Variants in MTMR2 observed in about 807,000 individuals in gnomAD.
MTMR2 encodes phosphatidylinositol-3,5-bisphosphate 3-phosphatase MTMR2.
A neutral mutation model predicts 86.9 loss-of-function variants in MTMR2; 55 were observed. The ratio of observed to expected loss-of-function variants is 0.63; its 90% CI spans 0.51 to 0.79. The LOEUF (loss-of-function observed/expected upper bound fraction) is 0.79. MTMR2 is among the 30% of genes least tolerant of loss of function. The probability of loss-of-function intolerance (pLI) is 0.00; values close to 1 mark genes in which losing one functional copy is unlikely to be tolerated. For missense variants in MTMR2, 659 were observed against 772.3 expected (o/e 0.85, Z 1.74); for synonymous variants, 241 against 266.8 (o/e 0.90, Z 0.94).
At chr11:95,915,565 A>C (rs533637980) in intron 1 of MTMR2, among the ~76,000 whole-genome samples, 94 of 152,324 alleles carry the variant, frequency 6.2e-4, no homozygotes, top group African/African-American at 2.2e-3. Context: ...TTTTTAATAA[A>C]ATGTTTAGGT....
chr11:95,896,183 A>G (rs765149695), intron 1 of MTMR2, among the ~76,000 whole-genome samples: 1 of 152,106 alleles, frequency 6.6e-6, no homozygotes, highest in Admixed American at 6.6e-5. Context: ...GGAAAATCCA[A>G]TCAGATGCCC....
intron 1 of MTMR2, among the ~76,000 whole-genome samples, chr11:95,920,307 G>GT (rs1043107524): frequency 5.3e-5 from 8 of 151,752 alleles, no homozygotes; most frequent in Admixed American, 1.3e-4. Flanking sequence ...GACAACTATT[G>GT]TTTTTTTTGT....
chr11:95,861,869 C>A, intron 5 of MTMR2, 123 bp downstream of exon 5: 1 of 807,438 alleles, frequency 1.2e-6, no homozygotes, highest in Non-Finnish European at 2.0e-6. Flanking sequence ...CAATGTCATA[C>A]TAAAATAACA....
At chr11:95,874,909 T>C (rs1369356876) in intron 2 of MTMR2, among the ~76,000 whole-genome samples, 2 of 152,154 alleles carry the variant, frequency 1.3e-5, no homozygotes, top group African/African-American at 2.4e-5. Flanking sequence ...TCTTTAAGAA[T>C]GTTGAATATT....
intron 3 of MTMR2, among the ~76,000 whole-genome samples, chr11:95,864,398 G>A (rs1864532012): frequency 1.3e-5 from 2 of 152,052 alleles, no homozygotes; most frequent in African/African-American, 4.8e-5. Flanking sequence ...TTCATAATGG[G>A]AGCTGCAATT....
chr11:95,912,650 G>A (rs1206780865), intron 1 of MTMR2, among the ~76,000 whole-genome samples: 1 of 151,426 alleles, frequency 6.6e-6, no homozygotes, highest in Non-Finnish European at 1.5e-5. Context: ...ATACTAAAAC[G>A]AATTCAAACT....
At chr11:95,837,885 C>T (rs879817025) in intron 13 of MTMR2, among the ~76,000 whole-genome samples, 2 of 152,174 alleles carry the variant, frequency 1.3e-5, no homozygotes, top group African/African-American at 4.8e-5. Flanking sequence ...ACTCAGCAGA[C>T]AGCTAGCTAG....
intron 12 of MTMR2, among the ~76,000 whole-genome samples, chr11:95,840,339 G>T (rs1863491914): frequency 1.3e-5 from 2 of 152,064 alleles, no homozygotes; most frequent in Non-Finnish European, 2.9e-5. Context: ...ATTTAAAACT[G>T]AATATGGTAA....
rs1368450241 is a variant in MTMR2, at chr11:95,835,320, CTG to C, written c.1900_1901del (p.Gln634ValfsTer24). ...CAACAGTTTGGACAGGAGTGACACA[CTG>C]TGCAGGAGAGCTGGCTCTCTCTGAG... ...SSSERASSPAQCVTPVQTVV is the reference protein window; with the variant it reads ...SSSERASSPAXCVTPVQTVV On this transcript the variant is annotated frameshift_variant, in exon 15 of 15. Coordinates refer to ENST00000346299, the MANE Select transcript of MTMR2 (RefSeq NM_016156.6). LOFTEE classifies it high-confidence loss of function. The C allele has an allele frequency of 6.2e-7, 1 of 1,613,026 alleles. No individual in the cohort carries two copies. The highest frequency in any genetic ancestry group is 1.7e-5 in the Admixed American group (1 of 59,838).
intron 1 of MTMR2, among the ~76,000 whole-genome samples, chr11:95,918,475 C>T (rs1292801927): frequency 6.6e-6 from 1 of 152,174 alleles, no homozygotes; most frequent in Non-Finnish European, 1.5e-5. Context: ...GGTTCACTAT[C>T]AACTTGCATT....
chr11:95,886,994 G>T (rs573192254), intron 2 of MTMR2, among the ~76,000 whole-genome samples: 1 of 152,134 alleles, frequency 6.6e-6, no homozygotes, highest in Non-Finnish European at 1.5e-5. Context: ...TAAGATATAT[G>T]CAGATTACGA....
chr11:95,839,234 G>A (rs566478693), intron 12 of MTMR2, among the ~76,000 whole-genome samples: 1 of 151,910 alleles, frequency 6.6e-6, no homozygotes, highest in East Asian at 1.9e-4. Context: ...TGATTTTTGT[G>A]GCTGTGAAGC....
intron 1 of MTMR2, among the ~76,000 whole-genome samples, chr11:95,905,483 A>G (rs1215949160): frequency 6.6e-6 from 1 of 152,176 alleles, no homozygotes; most frequent in Non-Finnish European, 1.5e-5. Context: ...GTTAAAATGC[A>G]TAAGACATAA....
intron 10 of MTMR2, among the ~76,000 whole-genome samples, chr11:95,846,411 A>C (rs1457425767): frequency 2.0e-5 from 3 of 152,198 alleles, no homozygotes; most frequent in Non-Finnish European, 4.4e-5. Flanking sequence ...CAAATAAACA[A>C]GGAAATATAC....
At chr11:95,880,613 G>C (rs1865290407) in intron 2 of MTMR2, among the ~76,000 whole-genome samples, 1 of 151,962 alleles carries the variant, frequency 6.6e-6, no homozygotes, top group Admixed American at 6.5e-5. Flanking sequence ...TAATTGTTTT[G>C]ATCTGATGAA....
Position 95,923,867 on chromosome 11 carries a change from CT to C in MTMR2, c.80+7del, listed in dbSNP as rs1424319629. The C allele has an allele frequency of 3.9e-6, 6 of 1,552,004 alleles. No homozygotes were observed. Among genetic ancestry groups the C allele is most frequent in the East Asian group, 2.4e-5 (1 of 41,034 alleles). On this transcript the variant is annotated splice_region_variant and intron_variant, in intron 1 of 14. Coordinates refer to ENST00000346299, the MANE Select transcript of MTMR2 (RefSeq NM_016156.6). ...GACGCTGGGCGGGGCCCTGGGCGTC[CT>C]GGTTACCTGGACAAGGAGTCCACGC...
chr11:95,857,516 CAAAATACT>C, intron 7 of MTMR2, 28 bp downstream of exon 7: 3 of 1,481,854 alleles, frequency 2.0e-6, no homozygotes, highest in Non-Finnish European at 2.8e-6. Flanking sequence ...GAAAAGAATA[CAAAATACT>C]AAAATTGAAA....
At position 95,845,149 on chromosome 11, in the gene MTMR2, G is replaced by A. The variant is rs145714734; in HGVS notation, c.1190C>T (p.Ala397Val). ...HWLEHIKLIL[A>V]GALRIADKVE... ...CTTGTCAGCAATCCTAAGAGCCCCT[G>A]CAAGAATAAGCTGGAAAACAGATTT... The change falls in exon 11 of 15, where the codon GCA becomes GTA. Residue 397 changes from alanine to valine, a missense_variant. Ala to Val is a moderately conservative substitution (Grantham distance 64). This residue lies in a region of MTMR2 where 387 missense variants were observed against 526.3 expected (regional missense o/e 0.74). Transcript: ENST00000346299. The A allele has an allele frequency of 1.2e-6, 2 of 1,613,594 alleles. No homozygotes were observed. The highest frequency in any genetic ancestry group is 1.1e-5 in the South Asian group (1 of 91,078).
chr11:95,900,088 A>G (rs1866016482), intron 1 of MTMR2, among the ~76,000 whole-genome samples: 2 of 152,164 alleles, frequency 1.3e-5, no homozygotes, highest in African/African-American at 4.8e-5. Flanking sequence ...AGACAACGGA[A>G]CGAGGCCACA....
Sources: allele counts gnomAD v4.1 joint callset (sites outside exome capture counted in the v4.1 genomes callset), GRCh38; gene constraint gnomAD v4.1.1; regional missense constraint gnomAD v4.1.1; transcripts MANE v1.5; gene names NCBI Gene and HGNC (gene_info 2026-07-23, HGNC 2026-07-21).